LENG8: variants seen among roughly 807,000 people sequenced by gnomAD.
The protein encoded by LENG8 is leukocyte receptor cluster member 8.
Under a neutral mutation model 102.1 loss-of-function variants are expected in LENG8, and 28 were observed. That is an observed-to-expected ratio of 0.27 (90% CI 0.20 to 0.38). The LOEUF (loss-of-function observed/expected upper bound fraction) is 0.38. LENG8 is among the 10% of genes least tolerant of loss of function. LENG8 has a pLI of 1.00. For missense variants in LENG8, 1,022 were observed against 1,113.9 expected (o/e 0.92, Z 1.17); for synonymous variants, 531 against 456.7 (o/e 1.16, Z -2.07).
chr19:54,456,793 A>G lies in LENG8; in HGVS notation c.1603A>G (p.Ser535Gly). 2 of 1,611,634 alleles carry G rather than the reference A, an allele frequency of 1.2e-6. No homozygotes were observed. Among genetic ancestry groups the G allele is most frequent in the Admixed American group, 3.3e-5 (2 of 59,920 alleles). The change falls in exon 11 of 16, where the codon AGC (serine) becomes GGC (glycine). Residue 535 changes from serine to glycine, a missense_variant. By Grantham distance (56) the Ser-to-Gly change is moderately conservative. Transcript: ENST00000326764. ...CGAGCCCCTGGTGCTGCAGATGAGC[A>G]GCCTGGAGAGCAGTGGGGCTGACCC... ...RLEPLVLQMSSLESSGADPDW... is the reference protein window; with the variant it reads ...RLEPLVLQMSGLESSGADPDW...
chr19:54,460,719 G>GGGGCCCC, intron 15 of LENG8, 47 bp from the exon 16 acceptor site: 11 of 778,904 alleles, frequency 1.4e-5, no homozygotes, highest in East Asian at 5.4e-5. Flanking sequence ...GCCCTCCCCT[G>GGGGCCCC]CCCTCCCGCC....
At position 54,457,786 on chromosome 19, in the gene LENG8, A is replaced by C; in HGVS notation, c.1771A>C (p.Lys591Gln). 6.2e-7 allele frequency: 1 copy of C among 1,614,166 alleles called. No homozygotes were observed. The highest frequency in any genetic ancestry group is 8.5e-7 in the Non-Finnish European group (1 of 1,180,010). Residue 591 changes from lysine to glutamine, a missense_variant, in exon 12 of 16, where the codon AAA (lysine) becomes CAA (glutamine). Lys to Gln is a moderately conservative substitution (Grantham distance 53). Transcript: ENST00000326764. ...KSLCMVKCHW[K>Q]EKQDYAFACE... ...GCTGTGCATGGTCAAGTGCCACTGG[A>C]AAGAGAAGCAGGACTACGCGTTTGC...
intron 2 of LENG8, 74 bp downstream of exon 2, chr19:54,451,456 T>G: frequency 6.7e-7 from 1 of 1,489,058 alleles, no homozygotes; most frequent in South Asian, 1.1e-5. Flanking sequence ...TCCTCTGGGG[T>G]GGGACCTCCC....
At position 54,461,615 on chromosome 19, in the gene LENG8, C is replaced by A. The variant is rs771363051; in HGVS notation, c.*687C>A. On this transcript the variant is annotated 3_prime_UTR_variant, in exon 16 of 16. Transcript: ENST00000326764. ...CCTCCTCCCTCTGCCCCCAGTGTTT[C>A]TTCTGATTTTTTTTTCCCCTTTCCC... 6.3e-6 allele frequency: 3 copies of A among 473,534 alleles called. No homozygotes were observed. The highest frequency in any genetic ancestry group is 2.0e-5 in the African/African-American group (1 of 50,110). 29.3% of individuals were successfully genotyped at this position (473,534 alleles called of 1,614,324 possible).
At position 54,454,896 on chromosome 19, in the gene LENG8, GGA is replaced by G. The variant is rs2084143613; in HGVS notation, c.680-54_680-53del. ...ATTTCCACTTCCTCCCGTCCCCTGG[GGA>G]CCCCTGGATGTGCCGGGGAAGGGCC... is the stretch of plus-strand genomic sequence containing the variant. On this transcript the variant is annotated intron_variant, in intron 6 of 15. Transcript: ENST00000326764. The G allele has an allele frequency of 2.5e-6, 4 of 1,608,910 alleles. No individual in the cohort carries two copies. In the South Asian group the frequency reaches 4.4e-5, roughly 18 times the overall value.
chr19:54,454,718 T>A, intron 6 of LENG8, 36 bp downstream of exon 6: 1 of 1,553,464 alleles, frequency 6.4e-7, no homozygotes. Flanking sequence ...TCCGAGCGGT[T>A]GGGCCCTCAT....
At chr19:54,459,785 G>A (rs767025717) in intron 15 of LENG8, 3 of 1,106,642 alleles carry the variant, frequency 2.7e-6, no homozygotes, top group Admixed American at 4.3e-5. Context: ...AGGAGCAGAC[G>A]AGGATGTGGG....
In LENG8 at chr19:54,455,367, G is replaced by A. The variant is rs751191236; in HGVS notation, c.825G>A (p.Gly275=). 13 of 1,614,096 alleles carry A rather than the reference G, an allele frequency of 8.1e-6. No homozygotes were observed. The South Asian group carries it at 1.2e-4, about 15-fold the overall frequency. The change falls in exon 8 of 16, where the codon GGG becomes GGA. Residue 275 remains glycine (G), a synonymous_variant. Coordinates refer to ENST00000326764, the MANE Select transcript of LENG8 (RefSeq NM_052925.4). ...CCCCTCATCTGTCCTCCCGCAGCGG[G>A]TCCTCTGCCCGGGGGAACCTGTCTG... is the stretch of plus-strand genomic sequence containing the variant. ...PNPEKVQNHS[G]SSARGNLSGK...
Position 54,457,927 on chromosome 19 carries a change from G to C in LENG8, c.1834-7G>C. On this transcript the variant is annotated splice_polypyrimidine_tract_variant and splice_region_variant and intron_variant, in intron 12 of 15. Transcript: ENST00000326764. ...TTGTGACTCTTGTTCTCGCCCCGCTGCCCCAGGTGCAGGGCATCCGCACCG... is the reference window on the plus strand; with the variant it reads ...TTGTGACTCTTGTTCTCGCCCCGCTCCCCCAGGTGCAGGGCATCCGCACCG... The C allele has an allele frequency of 6.2e-7, 1 of 1,613,848 alleles. No homozygotes were observed. The highest frequency in any genetic ancestry group is 8.5e-7 in the Non-Finnish European group (1 of 1,179,990).
chr19:54,452,011 G>T, intron 2 of LENG8, 82 bp from the exon 3 acceptor site: 1 of 1,327,272 alleles, frequency 7.5e-7, no homozygotes. Flanking sequence ...ATGGGATCCA[G>T]GGGCTGGAAT....
At position 54,459,979 on chromosome 19, in the gene LENG8, C is replaced by T. The variant is rs191137293; in HGVS notation, c.2241-787C>T. The stretch of plus-strand genomic sequence containing the variant: ...ATACCTAATTGGCCTTGGTTGGGAA[C>T]ATAGCCATGAGTGCCCCTCGTGGGT... On this transcript the variant is annotated intron_variant, in intron 15 of 15. Transcript: ENST00000326764. The T allele has an allele frequency of 3.0e-5, 37 of 1,231,406 alleles. No individual in the cohort carries two copies. In the African/African-American group the frequency reaches 4.8e-4, roughly 16 times the overall value. The allele number at this position is 1,231,406 out of a possible 1,614,324, so 76.3% of individuals were successfully genotyped here. A position where few individuals can be genotyped will look rare whatever the true frequency, so the allele number is the denominator to read the frequency against.
At position 54,461,637 on chromosome 19, in the gene LENG8, T is replaced by G. The variant is rs1291397216; in HGVS notation, c.*709T>G. 1 of 474,474 alleles carries G rather than the reference T, an allele frequency of 2.1e-6. No homozygotes were observed. Among genetic ancestry groups the G allele is most frequent in the South Asian group, 1.5e-5 (1 of 64,560 alleles). 29.4% of individuals were successfully genotyped at this position (474,474 alleles called of 1,614,324 possible). A position where few individuals can be genotyped will look rare whatever the true frequency, so the allele number is the denominator to read the frequency against. On this transcript the variant is annotated 3_prime_UTR_variant, in exon 16 of 16. Transcript: ENST00000326764. ...TTTCTTCTGATTTTTTTTTCCCCTT[T>G]CCCTCCCTCCCTCTCCGCATTCTTC...
At chr19:54,451,213 A>T in intron 1 of LENG8, 77 bp from the exon 2 acceptor site, 1 of 929,658 alleles carries the variant, frequency 1.1e-6, no homozygotes, top group Non-Finnish European at 1.8e-6. Context: ...TCTTGAGTCC[A>T]TCTACTTTTC....
chr19:54,453,611 AC>A lies in LENG8; in HGVS notation c.385del (p.Gln129SerfsTer12). 1 of 1,613,826 alleles carries A rather than the reference AC, an allele frequency of 6.2e-7. No homozygotes were observed. The highest frequency in any genetic ancestry group is 8.5e-7 in the Non-Finnish European group (1 of 1,179,978). ...GMAGSYGSATPQQPSAPQHQG... is the reference protein window; with the variant it reads ...GMAGSYGSATXQQPSAPQHQG... The stretch of plus-strand genomic sequence containing the variant: ...TGGCCGGCTCCTATGGCTCAGCCAC[AC>A]CCCAGCAGCCATCCGCACCCCAACA... On this transcript the variant is annotated frameshift_variant, in exon 5 of 16. Transcript: ENST00000326764. LOFTEE classifies it high-confidence loss of function.
At position 54,453,707 on chromosome 19, in the gene LENG8, A is replaced by G. The variant is rs371536553; in HGVS notation, c.426+51A>G. On this transcript the variant is annotated intron_variant, in intron 5 of 15. Transcript: ENST00000326764. ...CCCTGCTCAAGCAGAGGAAGTGTAGATTTTTGAATGAGCTGTCAATGAGGA... is the reference window on the plus strand; with the variant it reads ...CCCTGCTCAAGCAGAGGAAGTGTAGGTTTTTGAATGAGCTGTCAATGAGGA... The G allele has an allele frequency of 6.9e-5, 92 of 1,331,728 alleles. No individual in the cohort carries two copies. In the African/African-American group the frequency reaches 1.1e-3, roughly 16 times the overall value. 82.5% of individuals were successfully genotyped at this position (1,331,728 alleles called of 1,614,324 possible).
Position 54,461,932 on chromosome 19 carries a change from TTTCCTTCC to T in LENG8, c.*1015_*1022del, listed in dbSNP as rs988516292. The T allele has an allele frequency of 1.0e-6, 1 of 968,786 alleles. No homozygotes were observed. The highest frequency in any genetic ancestry group is 2.4e-5 in the East Asian group (1 of 41,804). The allele number at this position is 968,786 out of a possible 1,614,324, so 60.0% of individuals were successfully genotyped here. A position where few individuals can be genotyped will look rare whatever the true frequency, so the allele number is the denominator to read the frequency against. ...TCCCCTTCCCCTCCTCTCCCCTCCT[TTTCCTTCC>T]TTCCTTCCTTTCCTTGGAGCACTGA... On this transcript the variant is annotated 3_prime_UTR_variant, in exon 16 of 16. Coordinates refer to ENST00000326764, the MANE Select transcript of LENG8 (RefSeq NM_052925.4).
In LENG8 at chr19:54,454,589, G is replaced by A. The variant is rs1381260324; in HGVS notation, c.586G>A (p.Ala196Thr). The A allele has an allele frequency of 2.5e-6, 4 of 1,601,426 alleles. No homozygotes were observed. The highest frequency in any genetic ancestry group is 3.4e-6 in the Non-Finnish European group (4 of 1,176,442). ...AGCTCCAGCCACACAGCACAGCCAG[G>A]CGGGGCCCGCCACGGGCCAGGCCTA... ...GTAPATQHSQAGPATGQAYGP... is the reference protein window; with the variant it reads ...GTAPATQHSQTGPATGQAYGP... Residue 196 changes from alanine to threonine, a missense_variant, in exon 6 of 16, where the codon GCG (alanine) becomes ACG (threonine). Around this residue, in one of 7 missense-constraint regions of LENG8, gnomAD observed 343 missense variants for 320.2 expected, o/e 1.07. Coordinates refer to ENST00000326764, the MANE Select transcript of LENG8 (RefSeq NM_052925.4).
chr19:54,449,483 C>A (rs1348345718), intron 1 of LENG8, 173 bp downstream of exon 1: 1 of 152,084 alleles, frequency 6.6e-6, no homozygotes, highest in Non-Finnish European at 1.5e-5. Context: ...GGCCTGGGGC[C>A]GCGCGTTCGG....
At position 54,452,093 on chromosome 19, in the gene LENG8, GTCT is replaced by G. The variant is rs1324783842; in HGVS notation, c.43_45del (p.Ser15del). 6.2e-7 allele frequency: 1 copy of G among 1,608,942 alleles called. No homozygotes were observed. Among genetic ancestry groups the G allele is most frequent in the Non-Finnish European group, 8.5e-7 (1 of 1,176,174 alleles). ...GACTTGATGTCCTCTCTCTCTGCAG[GTCT>G]TCTCAGTACAGCATGGTGGCTGGGG... On this transcript the variant is annotated inframe_deletion and splice_region_variant, in exon 3 of 16. Coordinates refer to ENST00000326764, the MANE Select transcript of LENG8 (RefSeq NM_052925.4).
Sources: gnomAD v4.1 joint callset for allele counts on GRCh38, gnomAD v4.1.1 for gene constraint, gnomAD v4.1.1 regional missense constraint, MANE v1.5 for transcripts, NCBI Gene and HGNC (gene_info 2026-07-23, HGNC 2026-07-21) for gene names.